The following KIF5C variants were observed in gnomAD, a reference collection of about 807,000 sequenced individuals.
The protein encoded by KIF5C is kinesin family member 5C, also known as kinesin heavy chain isoform 5C.
KIF5C carries 18 observed loss-of-function variants against 125.2 expected under a neutral mutation model. The ratio of observed to expected loss-of-function variants is 0.14; its 90% CI spans 0.10 to 0.21. KIF5C has a LOEUF of 0.21. Ranked by LOEUF, KIF5C falls within the 10% of genes least tolerant of loss-of-function variation. The probability of loss-of-function intolerance (pLI) is 1.00; values close to 1 mark genes in which losing one functional copy is unlikely to be tolerated. For missense variants in KIF5C, 780 were observed against 1,183.8 expected (o/e 0.66, Z 5.01); for synonymous variants, 405 against 434.0 (o/e 0.93, Z 0.83).
At chr2:148,930,028 T>C (rs1682137626) in intron 3 of KIF5C, among the ~76,000 whole-genome samples, 1 of 152,168 alleles carries the variant, frequency 6.6e-6, no homozygotes, top group East Asian at 1.9e-4. Context: ...CTAGGAGAAG[T>C]TTGGTAAAAT....
intron 21 of KIF5C, among the ~76,000 whole-genome samples, chr2:149,002,262 G>A (rs60736013): frequency 0.031 from 4,652 of 152,136 alleles, 253 homozygotes; most frequent in African/African-American, 0.1. Context: ...CTTTATATCC[G>A]TGAGCTCTCA....
intron 10 of KIF5C, among the ~76,000 whole-genome samples, chr2:148,952,733 A>G (rs1192588722): frequency 6.6e-6 from 1 of 152,110 alleles, no homozygotes; most frequent in African/African-American, 2.4e-5. Flanking sequence ...GCCTACTTTC[A>G]AGAATATTGG....
intron 1 of KIF5C, among the ~76,000 whole-genome samples, chr2:148,905,612 C>G (rs750259198): frequency 6.6e-6 from 1 of 152,136 alleles, no homozygotes; most frequent in African/African-American, 2.4e-5. Flanking sequence ...GAAGCAAGGT[C>G]GATGGCAGGT....
At chr2:148,888,913 TG>T (rs1681631178) in intron 1 of KIF5C, 1 of 152,222 alleles carries the variant, frequency 6.6e-6, no homozygotes, top group Non-Finnish European at 1.5e-5. Context: ...TTTCAGTGAT[TG>T]CTTAAATGTC....
chr2:148,962,115 G>C lies in KIF5C; in HGVS notation c.1113G>C (p.Arg371Ser). 6.2e-7 allele frequency: 1 copy of C among 1,602,284 alleles called. No individual in the cohort carries two copies. Among genetic ancestry groups the C allele is most frequent in the Non-Finnish European group, 8.5e-7 (1 of 1,174,172 alleles). The change falls in exon 11 of 26, where the codon AGG becomes AGC. Residue 371 changes from arginine (R) to serine (S), a missense_variant. This residue lies in a region of KIF5C where 573 missense variants were observed against 742.6 expected (regional missense o/e 0.77). Transcript: ENST00000435030. The part of the protein sequence containing the change: ...QHLEMELNRW[R>S]NGEAVPEDEQ... ...TGGAGATGGAGCTAAACAGGTGGAG[G>C]AATGGTAAGGAAAAGTAAGGAGGAA...
At chr2:148,939,103 A>C (rs1682352872) in intron 4 of KIF5C, among the ~76,000 whole-genome samples, 1 of 151,962 alleles carries the variant, frequency 6.6e-6, no homozygotes, top group Admixed American at 6.5e-5. Flanking sequence ...TTAAAAAAAA[A>C]AAAAAAAAAA....
At chr2:148,951,856 G>C (rs1444537806) in intron 10 of KIF5C, among the ~76,000 whole-genome samples, 1 of 152,088 alleles carries the variant, frequency 6.6e-6, no homozygotes, top group Non-Finnish European at 1.5e-5. Flanking sequence ...GATGGGGGTG[G>C]GCATTCTGTC....
chr2:148,896,133 A>G (rs1044775436), intron 1 of KIF5C, among the ~76,000 whole-genome samples: 2 of 152,160 alleles, frequency 1.3e-5, no homozygotes, highest in Non-Finnish European at 2.9e-5. Context: ...GGGTTGAGAG[A>G]TGTGAGAACT....
At chr2:148,929,507 T>G (rs982253928) in intron 3 of KIF5C, among the ~76,000 whole-genome samples, 153 bp downstream of exon 3, 1 of 152,196 alleles carries the variant, frequency 6.6e-6, no homozygotes, top group Non-Finnish European at 1.5e-5. Flanking sequence ...AGTTTTAAAA[T>G]AGCAGCAAAA....
intron 1 of KIF5C, among the ~76,000 whole-genome samples, chr2:148,902,754 A>G (rs1680954056): frequency 6.6e-6 from 1 of 152,220 alleles, no homozygotes; most frequent in Non-Finnish European, 1.5e-5. Context: ...TCCTGCAAAG[A>G]GCATTTCACA....
chr2:148,993,072 T>C (rs1227735083), intron 16 of KIF5C, among the ~76,000 whole-genome samples: 1 of 152,102 alleles, frequency 6.6e-6, no homozygotes, highest in Non-Finnish European at 1.5e-5. Context: ...TTTAAATGGG[T>C]GAGGAAGAGG....
intron 17 of KIF5C, among the ~76,000 whole-genome samples, 197 bp downstream of exon 17, chr2:148,994,735 C>T (rs1342992646): frequency 6.6e-6 from 1 of 151,402 alleles, no homozygotes; most frequent in Non-Finnish European, 1.5e-5. Flanking sequence ...TGGAGTCTCG[C>T]TCTGTTGCCC....
At chr2:148,941,581 T>C in intron 4 of KIF5C, 29 bp from the exon 5 acceptor site, 1 of 1,553,280 alleles carries the variant, frequency 6.4e-7, no homozygotes, top group Non-Finnish European at 8.7e-7. Context: ...GCGGCATGTC[T>C]ATTCCAAGCT....
At chr2:148,986,408 A>G (rs1456398496) in intron 15 of KIF5C, among the ~76,000 whole-genome samples, 1 of 152,130 alleles carries the variant, frequency 6.6e-6, no homozygotes, top group Non-Finnish European at 1.5e-5. Context: ...ATAAGAGCTA[A>G]GGGAGTAGTT....
At position 148,924,270 on chromosome 2, in the gene KIF5C, G is replaced by A. The variant is rs1012014133; in HGVS notation, c.217+2043G>A. ...CCTATTTAAATCAAGATTGGGAGGC[G>A]GTGCTGTGGAGCCCTTTTTTTCTAG... On this transcript the variant is annotated intron_variant, in intron 2 of 25. Transcript: ENST00000435030. The surrounding 1 kb of genome is among the most constrained non-coding windows in gnomAD (Gnocchi z 4.0). Among the ~76,000 whole-genome samples, 1 of 152,038 alleles carries A rather than the reference G, an allele frequency of 6.6e-6. No homozygotes were observed. Among genetic ancestry groups the A allele is most frequent in the Non-Finnish European group, 1.5e-5 (1 of 68,018 alleles).
At chr2:149,003,169 A>T (rs1459254100) in intron 21 of KIF5C, among the ~76,000 whole-genome samples, 1 of 152,088 alleles carries the variant, frequency 6.6e-6, no homozygotes, top group Admixed American at 6.5e-5. Context: ...GGATGTTTTC[A>T]CTCAGCCTTG....
chr2:148,933,124 C>G (rs1682215426), intron 3 of KIF5C, among the ~76,000 whole-genome samples: 1 of 152,098 alleles, frequency 6.6e-6, no homozygotes, highest in Non-Finnish European at 1.5e-5. Flanking sequence ...TGTTCTTTCT[C>G]AGTTCCTGTA....
At position 149,010,144 on chromosome 2, in the gene KIF5C, G is replaced by A. The variant is rs1682141003; in HGVS notation, c.2560G>A (p.Asp854Asn). The change falls in exon 24 of 26, where the codon GAC (aspartate) becomes AAC (asparagine). Residue 854 changes from aspartate (D) to asparagine (N), a missense_variant. Asp to Asn is a conservative substitution (Grantham distance 23). This residue lies in a region of KIF5C where 573 missense variants were observed against 742.6 expected (regional missense o/e 0.77). Transcript: ENST00000435030. ...TATCCTCCTGCCCCAGCTGGTCCGGGACAACGCAGACCTGCGCTGTGAACT... is the reference window on the plus strand; with the variant it reads ...TATCCTCCTGCCCCAGCTGGTCCGGAACAACGCAGACCTGCGCTGTGAACT... The part of the protein sequence containing the change: ...LTKVHKQLVR[D>N]NADLRCELPK... 6.5e-7 allele frequency: 1 copy of A among 1,549,998 alleles called. No homozygotes were observed. The highest frequency in any genetic ancestry group is 2.0e-5 in the Admixed American group (1 of 50,820).
chr2:149,004,162 G>A (rs1681937291), intron 21 of KIF5C, among the ~76,000 whole-genome samples: 1 of 152,232 alleles, frequency 6.6e-6, no homozygotes, highest in Non-Finnish European at 1.5e-5. Flanking sequence ...GGACACAATT[G>A]ACTTCAGGTG....
Sources: gnomAD v4.1 joint callset for allele counts (sites outside exome capture counted in the v4.1 genomes callset) on GRCh38, gnomAD v4.1.1 for gene constraint, gnomAD v4.1.1 regional missense constraint, Gnocchi (gnomAD v3.1) non-coding constraint, MANE v1.5 for transcripts, NCBI Gene and HGNC (gene_info 2026-07-23, HGNC 2026-07-21) for gene names.